Variants in DRC9 observed in about 807,000 individuals in gnomAD.
DRC9 encodes the protein dynein regulatory complex subunit 9, also known as dynein regulatory complex protein 9.
chr3:197,904,071 CATATATATATACATACAT>C, the DRC9 span, among the ~76,000 whole-genome samples: 49 of 45,952 alleles, frequency 1.1e-3, no homozygotes, highest in African/African-American at 2.4e-3. Flanking sequence ...TATATACATA[CATATATATATACATACAT>C]ATATATATAT....
the DRC9 span, chr3:197,943,824 T>A: frequency 1.9e-6 from 3 of 1,614,186 alleles, no homozygotes; most frequent in Non-Finnish European, 2.5e-6. Context: ...CATGATGTAG[T>A]TCAGAATAGA....
the DRC9 span, among the ~76,000 whole-genome samples, chr3:197,896,287 G>A: frequency 1.3e-5 from 2 of 151,870 alleles, no homozygotes; most frequent in African/African-American, 2.4e-5. Flanking sequence ...AGGTTGTGGT[G>A]AGCCAAGATC....
the DRC9 span, chr3:197,950,279 C>T: frequency 1.6e-6 from 2 of 1,230,600 alleles, no homozygotes; most frequent in Admixed American, 8.4e-5. Context: ...AGGTTTGTTC[C>T]TGTGCCTTGG....
At chr3:197,889,519 A>T in the DRC9 span, 1 of 1,597,224 alleles carries the variant, frequency 6.3e-7, no homozygotes, top group South Asian at 1.1e-5. Flanking sequence ...GGTGTTTCTT[A>T]ACTCTCTCCA....
chr3:197,948,125 G>GT, the DRC9 span, among the ~76,000 whole-genome samples: 1 of 151,744 alleles, frequency 6.6e-6, no homozygotes, highest in Middle Eastern at 3.4e-3. Context: ...TAGAGACAGG[G>GT]TTTCACTATG....
At chr3:197,936,676 A>C in the DRC9 span, among the ~76,000 whole-genome samples, 4 of 152,176 alleles carry the variant, frequency 2.6e-5, no homozygotes, top group African/African-American at 9.7e-5. Context: ...TGTAGTTTTT[A>C]TGTCCTTGAT....
the DRC9 span, chr3:197,889,634 C>T: frequency 4.3e-6 from 7 of 1,614,206 alleles, no homozygotes; most frequent in Non-Finnish European, 1.7e-6. Context: ...CTTTTGAATC[C>T]TTGCTATCAA....
At chr3:197,904,136 C>T in the DRC9 span, among the ~76,000 whole-genome samples, 1 of 141,442 alleles carries the variant, frequency 7.1e-6, no homozygotes, top group South Asian at 2.2e-4. Flanking sequence ...GGCCAAAGAT[C>T]TGAATAGGCA....
At chr3:197,922,426 C>G in the DRC9 span, among the ~76,000 whole-genome samples, 2 of 152,110 alleles carry the variant, frequency 1.3e-5, no homozygotes, top group Non-Finnish European at 2.9e-5. Context: ...TATCTTCTGG[C>G]CAGGCACAGT....
chr3:197,899,030 T>C, the DRC9 span, among the ~76,000 whole-genome samples: 1 of 152,218 alleles, frequency 6.6e-6, no homozygotes, highest in Non-Finnish European at 1.5e-5. Flanking sequence ...AGCTTTATGC[T>C]AATAAATTTG....
the DRC9 span, among the ~76,000 whole-genome samples, chr3:197,896,962 G>A: frequency 6.6e-6 from 1 of 152,146 alleles, no homozygotes; most frequent in Non-Finnish European, 1.5e-5. Context: ...GCAATTCAAG[G>A]TGAGATTTGG....
chr3:197,935,439 CA>C, the DRC9 span, among the ~76,000 whole-genome samples: 172 of 95,078 alleles, frequency 1.8e-3, no homozygotes, highest in Middle Eastern at 5.2e-3. Flanking sequence ...ACTCTGTCTC[CA>C]AAAAAAAAAA....
the DRC9 span, among the ~76,000 whole-genome samples, chr3:197,920,214 T>C: frequency 1.3e-5 from 2 of 151,536 alleles, no homozygotes; most frequent in Admixed American, 6.6e-5. Context: ...ATCTCAAAAA[T>C]AAAATAAAAT....
the DRC9 span, among the ~76,000 whole-genome samples, chr3:197,953,016 G>A: frequency 7.3e-5 from 11 of 151,576 alleles, no homozygotes; most frequent in Non-Finnish European, 1.3e-4. Flanking sequence ...GGCCAGGCTG[G>A]TCTCGAACTC....
the DRC9 span, among the ~76,000 whole-genome samples, chr3:197,923,604 G>A: frequency 6.6e-6 from 1 of 152,090 alleles, no homozygotes; most frequent in African/African-American, 2.4e-5. Flanking sequence ...GGTGGCAGGT[G>A]CCTGTAGTCC....
the DRC9 span, chr3:197,926,254 C>T: frequency 1.7e-6 from 1 of 589,628 alleles, no homozygotes; most frequent in Non-Finnish European, 3.1e-6. Context: ...CTGAAGTGTG[C>T]ATCTCTATCG....
At chr3:197,943,868 G>A in the DRC9 span, 12 of 1,614,030 alleles carry the variant, frequency 7.4e-6, no homozygotes, top group African/African-American at 1.6e-4. Context: ...GAACTGCCGA[G>A]ATCCTCAGCA....
the DRC9 span, among the ~76,000 whole-genome samples, chr3:197,946,692 C>A: frequency 0.16 from 23,757 of 152,124 alleles, 4,505 homozygotes; most frequent in African/African-American, 0.46. Context: ...ATCTTACATG[C>A]AAAAATTCAA....
the DRC9 span, among the ~76,000 whole-genome samples, chr3:197,895,191 G>A: frequency 6.6e-6 from 1 of 152,162 alleles, no homozygotes; most frequent in Non-Finnish European, 1.5e-5. Context: ...AGAGGGAACA[G>A]GCTCCAGACA....
Sources: allele counts gnomAD v4.1 joint callset (sites outside exome capture counted in the v4.1 genomes callset), GRCh38; gene constraint gnomAD v4.1.1; transcripts MANE v1.5; gene names NCBI Gene and HGNC (gene_info 2026-07-23, HGNC 2026-07-21).